PDE12: variants seen among roughly 807,000 people sequenced by gnomAD.
The protein encoded by PDE12 is phosphodiesterase 12, also known as 2',5'-phosphodiesterase 12.
In PDE12, 26 loss-of-function variants were observed where a neutral mutation model predicts 45.4. The observed-to-expected ratio is 0.57, with a 90% CI of 0.42 to 0.79. The LOEUF (loss-of-function observed/expected upper bound fraction) is 0.79. PDE12 is among the 30% of genes least tolerant of loss of function. The pLI, the probability that PDE12 is intolerant of heterozygous loss-of-function variation, is 0.00. For synonymous variants in PDE12, 283 were observed against 323.9 expected (o/e 0.87, Z 1.36); for missense variants, 668 against 790.0 (o/e 0.85, Z 1.85).
At chr3:57,612,365 A>G in the PDE12 span, among the ~76,000 whole-genome samples, 1 of 152,156 alleles carries the variant, frequency 6.6e-6, no homozygotes, top group Admixed American at 6.6e-5. Flanking sequence ...CATTGTACAC[A>G]TGTACCCTAG....
the PDE12 span, chr3:57,631,095 C>T: frequency 1.3e-6 from 1 of 793,660 alleles, no homozygotes; most frequent in Non-Finnish European, 2.1e-6. Context: ...TGGACAGCAA[C>T]AACTCCATCA....
At chr3:57,623,370 C>T in the PDE12 span, among the ~76,000 whole-genome samples, 1 of 151,674 alleles carries the variant, frequency 6.6e-6, no homozygotes. Flanking sequence ...AAGTTTCCTA[C>T]TGAAGTATAA....
chr3:57,586,388 G>A, the PDE12 span, among the ~76,000 whole-genome samples: 23 of 152,296 alleles, frequency 1.5e-4, no homozygotes, highest in East Asian at 4.2e-3. Context: ...ACATTCCTAT[G>A]CAAGTAAGTC....
chr3:57,645,732 G>A, the PDE12 span: 1 of 1,613,270 alleles, frequency 6.2e-7, no homozygotes, highest in Non-Finnish European at 8.5e-7. Context: ...GGAAATCACT[G>A]AAGTACTTTA....
the PDE12 span, among the ~76,000 whole-genome samples, chr3:57,616,339 G>A: frequency 6.6e-6 from 1 of 150,954 alleles, no homozygotes; most frequent in Non-Finnish European, 1.5e-5. Context: ...AAAGAAGAAG[G>A]AAGAAGAAGA....
the PDE12 span, among the ~76,000 whole-genome samples, chr3:57,593,211 AAAAAAT>A: frequency 6.6e-6 from 1 of 152,162 alleles, no homozygotes; most frequent in Admixed American, 6.6e-5. Context: ...ACCCTGTCTC[AAAAAAT>A]AAAAATAAAA....
chr3:57,629,423 AAGTG>A, the PDE12 span, among the ~76,000 whole-genome samples: 142 of 152,222 alleles, frequency 9.3e-4, no homozygotes, highest in Middle Eastern at 3.4e-3. Context: ...ATATAAATGA[AAGTG>A]AGACTATTCC....
the PDE12 span, among the ~76,000 whole-genome samples, chr3:57,578,919 A>G: frequency 8.5e-5 from 13 of 152,194 alleles, no homozygotes; most frequent in African/African-American, 3.1e-4. Context: ...AAATAATAAA[A>G]AAGAAAAAAA....
At chr3:57,649,922 T>TACACAC in the PDE12 span, among the ~76,000 whole-genome samples, 24 of 148,522 alleles carry the variant, frequency 1.6e-4, no homozygotes, top group African/African-American at 5.9e-4. Flanking sequence ...TGTATATATA[T>TACACAC]ACACACACAC....
the PDE12 span, among the ~76,000 whole-genome samples, chr3:57,652,629 C>T: frequency 6.6e-6 from 1 of 152,110 alleles, no homozygotes; most frequent in Non-Finnish European, 1.5e-5. Flanking sequence ...CCAAAAATAC[C>T]TAATTACAAA....
At chr3:57,622,372 A>C in the PDE12 span, among the ~76,000 whole-genome samples, 6 of 152,222 alleles carry the variant, frequency 3.9e-5, no homozygotes, top group Non-Finnish European at 5.9e-5. Context: ...AATCTCAATA[A>C]AGTACCAATA....
the PDE12 span, among the ~76,000 whole-genome samples, chr3:57,621,660 AAAAAT>A: frequency 1.5e-3 from 223 of 152,298 alleles, 6 homozygotes; most frequent in East Asian, 0.038. Flanking sequence ...AGTCTGTCTC[AAAAAT>A]AAAATAAAAT....
the PDE12 span, chr3:57,596,903 G>A: frequency 0.024 from 15,640 of 645,764 alleles, 1,815 homozygotes; most frequent in African/African-American, 0.25. Context: ...GGGCGGGGGG[G>A]ATCGCTCACC....
the PDE12 span, among the ~76,000 whole-genome samples, chr3:57,603,185 C>A: frequency 6.6e-6 from 1 of 151,840 alleles, no homozygotes; most frequent in Non-Finnish European, 1.5e-5. Flanking sequence ...AAAGGGGTTT[C>A]AAAGTTAAAG....
At chr3:57,584,512 C>T in the PDE12 span, 13 of 1,452,478 alleles carry the variant, frequency 9.0e-6, no homozygotes, top group Non-Finnish European at 1.2e-5. Flanking sequence ...AAGCACACTC[C>T]AAGAAATAAT....
At chr3:57,597,096 C>T in the PDE12 span, 1 of 1,614,198 alleles carries the variant, frequency 6.2e-7, no homozygotes. Context: ...GCATCTGCTT[C>T]TTGCCAAATA....
chr3:57,592,303 A>G, the PDE12 span, among the ~76,000 whole-genome samples: 1 of 152,040 alleles, frequency 6.6e-6, no homozygotes, highest in Non-Finnish European at 1.5e-5. Flanking sequence ...AGCTTGACCA[A>G]TATGGTGAAA....
chr3:57,564,481 T>TA lies in PDE12; in HGVS notation c.*4479dup, dbSNP rs1343145829. The TA allele has an allele frequency of 6.6e-6, 1 of 151,984 alleles. No individual in the cohort carries two copies. Among genetic ancestry groups the TA allele is most frequent in the Non-Finnish European group, 1.5e-5 (1 of 68,010 alleles). 9.4% of individuals were successfully genotyped at this position (151,984 alleles called of 1,614,324 possible). ...ATATAACACAGTCCATTTTGCCCAGTAATTCACTTTAATGATGTTATCATG... is the reference window on the plus strand; with the variant it reads ...ATATAACACAGTCCATTTTGCCCAGTAAATTCACTTTAATGATGTTATCATG... On this transcript the variant is annotated 3_prime_UTR_variant, in exon 3 of 3. Transcript: ENST00000311180.
At position 57,566,075 on chromosome 3, in the gene PDE12, A is replaced by T. The variant is rs1417665426; in HGVS notation, c.*6071A>T. On this transcript the variant is annotated 3_prime_UTR_variant, in exon 3 of 3. Transcript: ENST00000311180. Reference sequence around the variant, plus strand: ...CACGTCACATAATCCCACTCTCCTTAAGAGCTTTTTTTGTCACTGCATATC... The same window carrying T: ...CACGTCACATAATCCCACTCTCCTTTAGAGCTTTTTTTGTCACTGCATATC... 4 of 152,046 alleles carry T rather than the reference A, an allele frequency of 2.6e-5. No homozygotes were observed. The highest frequency in any genetic ancestry group is 5.9e-5 in the Non-Finnish European group (4 of 68,008). The allele number at this position is 152,046 out of a possible 1,614,324, so 9.4% of individuals were successfully genotyped here. A position where few individuals can be genotyped will look rare whatever the true frequency, so the allele number is the denominator to read the frequency against.
Sources: gnomAD v4.1 joint callset for allele counts (sites outside exome capture counted in the v4.1 genomes callset) on GRCh38, gnomAD v4.1.1 for gene constraint, MANE v1.5 for transcripts, NCBI Gene and HGNC (gene_info 2026-07-23, HGNC 2026-07-21) for gene names.